Variants in RMDN2 observed in about 807,000 individuals in gnomAD.
RMDN2 encodes the protein regulator of microtubule dynamics 2.
In RMDN2, 61 loss-of-function variants were observed where a neutral mutation model predicts 52.8. The observed-to-expected ratio is 1.16, with a 90% CI of 0.94 to 1.43. The LOEUF is 1.43. RMDN2 is among the 40% of genes most tolerant of loss of function. The pLI is 0.00. For missense variants in RMDN2, 592 were observed against 475.3 expected (o/e 1.25, Z -2.28); for synonymous variants, 180 against 153.1 (o/e 1.18, Z -1.30).
chr2:38,022,150 C>T (rs1387241749), downstream of RMDN2, among the ~76,000 whole-genome samples: 1 of 152,126 alleles, frequency 6.6e-6, no homozygotes, highest in Admixed American at 6.6e-5. Flanking sequence ...ATAAAAGGTA[C>T]TGTGTAGATA....
chr2:38,046,469 A>C (rs959236676), intron 10 of RMDN2, among the ~76,000 whole-genome samples: 2 of 152,172 alleles, frequency 1.3e-5, no homozygotes, highest in African/African-American at 4.8e-5. Context: ...ATGACTAGAA[A>C]TGTCCAAAAT....
chr2:37,934,574 A>T (rs554549835), intron 2 of RMDN2, among the ~76,000 whole-genome samples: 25 of 151,094 alleles, frequency 1.7e-4, no homozygotes, highest in Non-Finnish European at 3.4e-4. Context: ...TTTTTTTGTC[A>T]CTCCGAGGCA....
chr2:37,976,946 A>G (rs1672548823), intron 4 of RMDN2, among the ~76,000 whole-genome samples: 1 of 152,004 alleles, frequency 6.6e-6, no homozygotes, highest in South Asian at 2.1e-4. Flanking sequence ...GTCAGCAGAT[A>G]AACATGTGAA....
At chr2:38,003,604 GCAGA>G (rs200858320) in intron 8 of RMDN2, among the ~76,000 whole-genome samples, 5 of 103,168 alleles carry the variant, frequency 4.8e-5, no homozygotes, top group Non-Finnish European at 8.7e-5. Context: ...AGATAGATAG[GCAGA>G]CAGACAGACA....
At chr2:38,048,339 C>T (rs567354834) in intron 10 of RMDN2, among the ~76,000 whole-genome samples, 4 of 152,288 alleles carry the variant, frequency 2.6e-5, no homozygotes, top group African/African-American at 9.6e-5. Context: ...CAGAAGAACA[C>T]CGGCCTTTAC....
intron 10 of RMDN2, chr2:38,027,460 C>G (rs1679861945): frequency 6.6e-6 from 1 of 152,182 alleles, no homozygotes; most frequent in Non-Finnish European, 1.5e-5. Flanking sequence ...CCTCACCACA[C>G]TTTCCAGTCC....
intron 10 of RMDN2, among the ~76,000 whole-genome samples, chr2:38,025,115 A>T (rs1038798731): frequency 2.6e-5 from 4 of 152,146 alleles, no homozygotes; most frequent in African/African-American, 9.7e-5. Context: ...AATTGACATC[A>T]GTTTTAAGTC....
At chr2:37,962,034 A>G (rs1670307120) in intron 2 of RMDN2, among the ~76,000 whole-genome samples, 1 of 152,216 alleles carries the variant, frequency 6.6e-6, no homozygotes, top group South Asian at 2.1e-4. Context: ...GCAGAACAGC[A>G]AAGATTGCTG....
intron 2 of RMDN2, among the ~76,000 whole-genome samples, chr2:37,967,529 A>G (rs1269938868): frequency 6.6e-6 from 1 of 152,252 alleles, no homozygotes; most frequent in Non-Finnish European, 1.5e-5. Flanking sequence ...AGACTTTTGG[A>G]TGCTCAAGGT....
At chr2:37,947,447 AT>A (rs1453635562) in intron 2 of RMDN2, among the ~76,000 whole-genome samples, 6 of 152,230 alleles carry the variant, frequency 3.9e-5, no homozygotes, top group Non-Finnish European at 7.3e-5. Context: ...TGCTAAATTC[AT>A]TAAAAAAGCC....
chr2:38,002,447 G>A (rs1676448046), intron 8 of RMDN2, among the ~76,000 whole-genome samples: 1 of 152,076 alleles, frequency 6.6e-6, no homozygotes, highest in Admixed American at 6.5e-5. Context: ...TATCTATGCT[G>A]ACATGAAAAT....
chr2:38,033,599 C>T (rs1680367468), intron 10 of RMDN2, among the ~76,000 whole-genome samples: 1 of 152,232 alleles, frequency 6.6e-6, no homozygotes, highest in Non-Finnish European at 1.5e-5. Context: ...TCCATGTGGA[C>T]ACACATTCAT....
At chr2:38,026,730 C>A (rs1232831380) in intron 10 of RMDN2, among the ~76,000 whole-genome samples, 1 of 152,114 alleles carries the variant, frequency 6.6e-6, no homozygotes, top group Non-Finnish European at 1.5e-5. Context: ...TTAGGTATTT[C>A]TCCTAATGCT....
intron 2 of RMDN2, among the ~76,000 whole-genome samples, chr2:37,941,986 C>G (rs1667833152): frequency 6.6e-6 from 1 of 151,558 alleles, no homozygotes; most frequent in Admixed American, 6.6e-5. Context: ...GGTATCTGCC[C>G]AAACAGCTGC....
intron 2 of RMDN2, among the ~76,000 whole-genome samples, chr2:37,972,462 C>T (rs192362849): frequency 3.3e-5 from 5 of 152,170 alleles, no homozygotes; most frequent in Admixed American, 3.3e-4. Context: ...TGTGAGCAAG[C>T]AGGAAAGTGA....
At chr2:38,057,659 G>C (rs954701963) in intron 10 of RMDN2, among the ~76,000 whole-genome samples, 7 of 152,158 alleles carry the variant, frequency 4.6e-5, no homozygotes, top group Non-Finnish European at 1.0e-4. Flanking sequence ...AGTGTTGGTG[G>C]TGGGGCATGG....
Position 37,927,236 on chromosome 2 carries a change from T to G in RMDN2, c.-17+1811T>G, listed in dbSNP as rs1038033676. Among the ~76,000 whole-genome samples, 28 of 152,368 alleles carry G rather than the reference T, an allele frequency of 1.8e-4. No homozygotes were observed. In the Middle Eastern group the frequency reaches 0.01, roughly 56 times the overall value. On this transcript the variant is annotated intron_variant, in intron 1 of 10. Transcript: ENST00000354545. ...GTCAGTACTCTCCTTCACCTCCTTGTTGATGCTTTCCAAATCTCCCACATG... is the reference window on the plus strand; with the variant it reads ...GTCAGTACTCTCCTTCACCTCCTTGGTGATGCTTTCCAAATCTCCCACATG...
intron 8 of RMDN2, among the ~76,000 whole-genome samples, chr2:38,003,604 G>GATAGATAGATAGATAGATAGGCAGACAGA (rs1306774545): frequency 9.7e-6 from 1 of 103,168 alleles, no homozygotes; most frequent in Admixed American, 1.1e-4. Context: ...AGATAGATAG[G>GATAGATAGATAGATAGATAGGCAGACAGA]CAGACAGACA....
At chr2:38,028,987 G>T (rs972287947) in intron 10 of RMDN2, among the ~76,000 whole-genome samples, 4 of 152,104 alleles carry the variant, frequency 2.6e-5, no homozygotes, top group Non-Finnish European at 5.9e-5. Flanking sequence ...GTTTTTATGT[G>T]GGGCAGGAAG....
Sources: gnomAD v4.1 joint callset for allele counts (sites outside exome capture counted in the v4.1 genomes callset) on GRCh38, gnomAD v4.1.1 for gene constraint, MANE v1.5 for transcripts, NCBI Gene and HGNC (gene_info 2026-07-23, HGNC 2026-07-21) for gene names.